NBPF4: variants seen among roughly 807,000 people sequenced by gnomAD.
NBPF4 encodes the protein NBPF family member NBPF4.
NBPF4 carries 11 observed loss-of-function variants against 21.1 expected under a neutral mutation model. The observed-to-expected ratio is 0.52, with a 90% CI of 0.33 to 0.86. The LOEUF is 0.86. Ranked by LOEUF, NBPF4 falls within the 40% of genes least tolerant of loss-of-function variation. NBPF4 has a pLI of 0.03. For synonymous variants in NBPF4, 47 were observed against 106.4 expected, an observed-to-expected ratio of 0.44 and a Z score of 3.43; for missense variants, 88 against 265.3, an observed-to-expected ratio of 0.33 and a Z score of 4.64.
At chr1:108,247,686 AAAAC>A (rs1158293317), upstream of NBPF4, among the ~76,000 whole-genome samples, 29 of 150,368 alleles carry the variant, frequency 1.9e-4, no homozygotes, top group South Asian at 1.1e-3. Context: ...TCATTTCTGC[AAAAC>A]AAACAAACAA....
chr1:108,257,602 T>A, the NBPF4 span, among the ~76,000 whole-genome samples: 3 of 143,668 alleles, frequency 2.1e-5, no homozygotes, highest in African/African-American at 8.2e-5. Flanking sequence ...CATACCCATT[T>A]GTTAAAAGAA....
At chr1:108,247,653 T>A (rs1466523080), upstream of NBPF4, among the ~76,000 whole-genome samples, 1 of 150,324 alleles carries the variant, frequency 6.7e-6, no homozygotes, top group African/African-American at 2.4e-5. Flanking sequence ...GCTTTCCAAG[T>A]AGGTGTTTCT....
At chr1:108,229,200 C>T in intron 12 of NBPF4, 44 bp from the exon 13 acceptor site, 1 of 1,448,072 alleles carries the variant, frequency 6.9e-7, no homozygotes, top group South Asian at 1.2e-5. Context: ...TCAGTTTTCC[C>T]TTTGTTAAGT....
At chr1:108,258,437 T>A in the NBPF4 span, among the ~76,000 whole-genome samples, 7 of 139,804 alleles carry the variant, frequency 5.0e-5, no homozygotes, top group Non-Finnish European at 1.1e-4. Flanking sequence ...TGCATTGGAA[T>A]TACATAAAAT....
At chr1:108,226,490 A>G (rs1384360844) in intron 14 of NBPF4, among the ~76,000 whole-genome samples, 189 bp downstream of exon 14, 9 of 151,056 alleles carry the variant, frequency 6.0e-5, no homozygotes, top group Admixed American at 3.3e-4. Flanking sequence ...TTCAGAGAGT[A>G]AAGAGGAGAT....
At chr1:108,247,456 TG>T (rs1179209910), upstream of NBPF4, among the ~76,000 whole-genome samples, 27 of 150,788 alleles carry the variant, frequency 1.8e-4, no homozygotes, top group African/African-American at 6.3e-4. Context: ...GCAGTCAGAC[TG>T]GGGACCCTCT....
chr1:108,256,614 C>T, the NBPF4 span, among the ~76,000 whole-genome samples: 2 of 107,928 alleles, frequency 1.9e-5, no homozygotes, highest in African/African-American at 3.9e-5. Context: ...CCCTCCCTCC[C>T]TTCCTTCCTT....
intron 13 of NBPF4, among the ~76,000 whole-genome samples, chr1:108,228,261 CA>C (rs200206286): frequency 0.37 from 38,903 of 105,796 alleles, 3,825 homozygotes; most frequent in South Asian, 0.47. Context: ...CCTTTTATTT[CA>C]AAAAAAAGCA....
At chr1:108,266,091 GAAGGAGA>G in the NBPF4 span, among the ~76,000 whole-genome samples, 3 of 135,936 alleles carry the variant, frequency 2.2e-5, no homozygotes, top group African/African-American at 8.7e-5. Flanking sequence ...AAGTGAAACT[GAAGGAGA>G]TAGAAACATG....
chr1:108,264,013 C>T, the NBPF4 span, among the ~76,000 whole-genome samples: 7 of 109,372 alleles, frequency 6.4e-5, no homozygotes, highest in Non-Finnish European at 1.2e-4. Context: ...ATCATGATGA[C>T]AGGTTCAAAT....
At chr1:108,256,093 TG>T in the NBPF4 span, among the ~76,000 whole-genome samples, 4 of 135,174 alleles carry the variant, frequency 3.0e-5, no homozygotes, top group African/African-American at 1.1e-4. Context: ...GTAGGTTGTA[TG>T]TGTCTAGGAA....
rs1009559422 is a variant in NBPF4 at position 108,222,783 on chromosome 1, C to T, written c.*922G>A. 6.6e-6 allele frequency among the ~76,000 whole-genome samples: 1 copy of T among 152,160 alleles called. No homozygotes were observed. Among genetic ancestry groups the T allele is most frequent in the Non-Finnish European group, 1.5e-5 (1 of 68,022 alleles). On this transcript the variant is annotated 3_prime_UTR_variant, in exon 15 of 15. Coordinates refer to ENST00000415641, the MANE Select transcript of NBPF4 (RefSeq NM_001143989.3). ...GGTGATAAAATGTTCTGAAGAAGATCACTAGAATACAGGATATTTATACTA... is the reference window on the plus strand; with the variant it reads ...GGTGATAAAATGTTCTGAAGAAGATTACTAGAATACAGGATATTTATACTA...
the NBPF4 span, among the ~76,000 whole-genome samples, chr1:108,264,861 G>A: frequency 1.8e-4 from 21 of 117,850 alleles, 2 homozygotes; most frequent in African/African-American, 5.4e-4. Context: ...AAGAGACAAC[G>A]TACCAGAACC....
rs538637995 is a variant in NBPF4 at position 108,223,162 on chromosome 1, A to G, written c.*543T>C. 4.2e-3 allele frequency among the ~76,000 whole-genome samples: 635 copies of G among 152,308 alleles called. 2 individuals carry two copies. The highest frequency in any genetic ancestry group is 0.015 in the African/African-American group (606 of 41,572). On this transcript the variant is annotated 3_prime_UTR_variant, in exon 15 of 15. Transcript: ENST00000415641. ...GTTTTGGGTTCAAAATGACTAAAAA[A>G]GCATAAGCTGCATAGGCTTTTTACT...
the NBPF4 span, among the ~76,000 whole-genome samples, chr1:108,252,535 A>T: frequency 2.0e-5 from 1 of 50,502 alleles, no homozygotes; most frequent in Non-Finnish European, 3.4e-5. Flanking sequence ...TCAGCAATGA[A>T]TCCACCTGTT....
chr1:108,246,212 A>C (rs1899165), upstream of NBPF4, among the ~76,000 whole-genome samples: 1 of 109,096 alleles, frequency 9.2e-6, no homozygotes, highest in African/African-American at 3.3e-5. Context: ...CATGCTTTCC[A>C]CTGGGATTGA....
upstream of NBPF4, among the ~76,000 whole-genome samples, chr1:108,248,029 G>A (rs552904264): frequency 1.3e-5 from 2 of 152,036 alleles, no homozygotes; most frequent in South Asian, 4.1e-4. Context: ...GTGTTGCTCA[G>A]GCTGGTCTTA....
the NBPF4 span, among the ~76,000 whole-genome samples, chr1:108,257,505 T>G: frequency 6.6e-6 from 1 of 150,472 alleles, no homozygotes; most frequent in African/African-American, 2.4e-5. Context: ...CCCACTCTCA[T>G]TCCCAGCCTC....
the NBPF4 span, among the ~76,000 whole-genome samples, chr1:108,268,800 C>T: frequency 7.1e-6 from 1 of 140,398 alleles, no homozygotes; most frequent in South Asian, 2.5e-4. Flanking sequence ...GGTGAGCAAA[C>T]AGAGACCCTG....
Sources: gnomAD v4.1 joint callset for allele counts (sites outside exome capture counted in the v4.1 genomes callset) on GRCh38, gnomAD v4.1.1 for gene constraint, MANE v1.5 for transcripts, NCBI Gene and HGNC (gene_info 2026-07-23, HGNC 2026-07-21) for gene names.